The following CEP350 variants were observed in gnomAD, a reference collection of about 807,000 sequenced individuals.
CEP350 encodes centrosomal protein 350.
Under a neutral mutation model 331.8 loss-of-function variants are expected in CEP350, and 126 were observed. That is an observed-to-expected ratio of 0.38 (90% confidence interval 0.33 to 0.44). The LOEUF is 0.44. CEP350 is among the 20% of genes least tolerant of loss of function. The pLI, the probability that CEP350 is intolerant of heterozygous loss-of-function variation, is 1.00. For missense variants in CEP350, 3,406 were observed against 3,634.6 expected (o/e 0.94, Z 1.62); for synonymous variants, 1,200 against 1,259.5 (o/e 0.95, Z 1.00).
intron 12 of CEP350, 134 bp downstream of exon 12, chr1:180,021,143 T>G (rs572457093): frequency 4.7e-6 from 3 of 637,664 alleles, no homozygotes; most frequent in South Asian, 1.2e-4. Flanking sequence ...TCCGTATTAG[T>G]CATCTTCTAA....
intron 6 of CEP350, among the ~76,000 whole-genome samples, chr1:179,997,681 T>C (rs1470897130): frequency 6.6e-6 from 1 of 152,230 alleles, no homozygotes; most frequent in Non-Finnish European, 1.5e-5. Flanking sequence ...GGGATTCTTG[T>C]GGTTTGAGAA....
intron 7 of CEP350, among the ~76,000 whole-genome samples, chr1:180,005,469 C>T (rs527797002): frequency 6.6e-6 from 1 of 151,826 alleles, no homozygotes; most frequent in Non-Finnish European, 1.5e-5. Flanking sequence ...TCACTTTCAC[C>T]ACTTCCATTA....
intron 16 of CEP350, 62 bp from the exon 17 acceptor site, chr1:180,036,864 T>C (rs1404754313): frequency 7.0e-7 from 1 of 1,421,472 alleles, no homozygotes; most frequent in African/African-American, 1.5e-5. Context: ...AATGACAGAT[T>C]TTAGAAATCT....
intron 31 of CEP350, chr1:180,085,679 A>G (rs1659821608): frequency 6.6e-6 from 1 of 152,226 alleles, no homozygotes; most frequent in Admixed American, 6.5e-5. Context: ...AGTAATAGGA[A>G]TTTTCAAAAT....
At chr1:180,086,850 A>G (rs7540856) in intron 31 of CEP350, among the ~76,000 whole-genome samples, 3 of 152,124 alleles carry the variant, frequency 2.0e-5, no homozygotes, top group Non-Finnish European at 2.9e-5. Flanking sequence ...CCATCCATCC[A>G]TTAGTTCATT....
chr1:180,092,768 T>G lies in CEP350; in HGVS notation c.6663T>G (p.Asp2221Glu), dbSNP rs1660274387. Residue 2221 changes from aspartate (D) to glutamate (E), a missense_variant, in exon 34 of 38, where the codon GAT becomes GAG. Around this residue, in one of 5 missense-constraint regions of CEP350, gnomAD observed 1,415 missense variants for 1,512.3 expected, o/e 0.94. Transcript: ENST00000367607. The part of the protein sequence containing the change: ...SSRKIREESG[D>E]SLENVPALHL... ...GGAAAATCAGAGAAGAATCTGGAGA[T>G]TCTCTAGAAAATGTACCTGCATTAC... The G allele has an allele frequency of 3.8e-6, 6 of 1,589,462 alleles. No homozygotes were observed. Among genetic ancestry groups the G allele is most frequent in the Middle Eastern group, 1.7e-4 (1 of 6,030 alleles).
Position 179,987,250 on chromosome 1 carries a change from C to A in CEP350, c.84C>A (p.Thr28=). The A allele has an allele frequency of 6.5e-7, 1 of 1,549,262 alleles. No individual in the cohort carries two copies. Among genetic ancestry groups the A allele is most frequent in the Non-Finnish European group, 8.9e-7 (1 of 1,129,024 alleles). The change falls in exon 3 of 38, where the codon ACC becomes ACA. Residue 28 remains threonine (T), a synonymous_variant. Coordinates refer to ENST00000367607, the MANE Select transcript of CEP350 (RefSeq NM_014810.5). ...CATTTTTTTTCCCAGCAGATATAAC[C>A]ACATCGTGGGATGCACTTTCTCAAA... ...QSKDTVQADI[T]TSWDALSQTK... is the part of the protein sequence containing the mutation.
At position 179,992,062 on chromosome 1, in the gene CEP350, A is replaced by G; in HGVS notation, c.236A>G (p.Asp79Gly). 6.6e-7 allele frequency: 1 copy of G among 1,524,436 alleles called. No homozygotes were observed. The highest frequency in any genetic ancestry group is 2.5e-5 in the East Asian group (1 of 40,040). 94.4% of individuals were successfully genotyped at this position (1,524,436 alleles called of 1,614,324 possible). ...TCTCACAGATTTCCTTTTCCTTCAGATGGTAGATACCTGGATGATTCTTGG... is the reference window on the plus strand; with the variant it reads ...TCTCACAGATTTCCTTTTCCTTCAGGTGGTAGATACCTGGATGATTCTTGG... The part of the protein sequence containing the change: ...TSATRKISRK[D>G]GRYLDDSWVN... The change falls in exon 5 of 38, where the codon GAT (aspartate) becomes GGT (glycine). Residue 79 changes from aspartate to glycine, a missense_variant and splice_region_variant. This residue lies in a region of CEP350 where 1,857 missense variants were observed against 1,909.2 expected (regional missense o/e 0.97). Transcript: ENST00000367607.
At chr1:180,088,810 A>T (rs907929167) in intron 32 of CEP350, among the ~76,000 whole-genome samples, 1 of 152,220 alleles carries the variant, frequency 6.6e-6, no homozygotes, top group African/African-American at 2.4e-5. Context: ...AAAAGACTTA[A>T]CAGGGCTTAG....
chr1:180,034,620 A>G (rs1435404349), intron 16 of CEP350, among the ~76,000 whole-genome samples: 1 of 151,848 alleles, frequency 6.6e-6, no homozygotes, highest in East Asian at 1.9e-4. Context: ...CATTATTACT[A>G]TATCTGTTAC....
At chr1:180,004,869 GGCTGGCTT>G (rs1369942974) in intron 7 of CEP350, among the ~76,000 whole-genome samples, 26 of 90,582 alleles carry the variant, frequency 2.9e-4, no homozygotes, top group African/African-American at 1.1e-3. Context: ...CAGGCAGGCT[GGCTGGCTT>G]GCTTGCTTGC....
rs553308119 is a variant in CEP350 at position 179,955,168 on chromosome 1, G to A, written c.-14+26G>A. On this transcript the variant is annotated intron_variant, in intron 1 of 37. Transcript: ENST00000367607. ...GTGAGCTCCTGTAGGACCTGGCTGG[G>A]ACCGCGGAGTCTCGCTCAGCCTCAA... is the stretch of plus-strand genomic sequence containing the variant. 3.4e-4 allele frequency: 469 copies of A among 1,396,854 alleles called. 1 individual carries two copies. Among genetic ancestry groups the A allele is most frequent in the Middle Eastern group, 1.3e-3 (7 of 5,326 alleles). 86.5% of individuals were successfully genotyped at this position (1,396,854 alleles called of 1,614,324 possible). A position where few individuals can be genotyped will look rare whatever the true frequency, so the allele number is the denominator to read the frequency against.
rs2149141173 is a variant in CEP350, at chr1:180,095,525, G to A, written c.8514G>A (p.Glu2838=). The change falls in exon 35 of 38, where the codon GAG becomes GAA. Residue 2838 remains glutamate, a splice_region_variant and synonymous_variant. Coordinates refer to ENST00000367607, the MANE Select transcript of CEP350 (RefSeq NM_014810.5). ...TTTGAATGGTTCCATTTCTATAGGA[G>A]AGCCCAGTATTTGGTGCCAGTGGGC... is the stretch of plus-strand genomic sequence containing the variant. ...ISSPDMCPRP[E]SPVFGASGQE... is the part of the protein sequence containing the mutation. 6.2e-7 allele frequency: 1 copy of A among 1,613,068 alleles called. No homozygotes were observed. Among genetic ancestry groups the A allele is most frequent in the African/African-American group, 1.3e-5 (1 of 74,960 alleles).
rs1661448088 is a variant in CEP350, at chr1:180,111,080, G to A, written c.9273G>A (p.Gly3091=). The A allele has an allele frequency of 6.2e-7, 1 of 1,613,996 alleles. No individual in the cohort carries two copies. The highest frequency in any genetic ancestry group is 1.3e-5 in the African/African-American group (1 of 75,030). The change falls in exon 38 of 38, where the codon GGG becomes GGA. Residue 3091 remains glycine (G), a synonymous_variant. Coordinates refer to ENST00000367607, the MANE Select transcript of CEP350 (RefSeq NM_014810.5). ...ELCVKMQLAD[G]IFETLIKDTI... is the part of the protein sequence containing the mutation. Reference sequence around the variant, plus strand: ...GTGTGAAAATGCAGCTAGCCGACGGGATCTTTGAGACCCTGATCAAAGATA... The same window carrying A: ...GTGTGAAAATGCAGCTAGCCGACGGAATCTTTGAGACCCTGATCAAAGATA...
chr1:179,959,378 A>T, intron 1 of CEP350, among the ~76,000 whole-genome samples: 1 of 151,896 alleles, frequency 6.6e-6, no homozygotes, highest in East Asian at 1.9e-4. Flanking sequence ...TGCTTGAACC[A>T]GGGAGGTGGA....
At chr1:180,090,470 C>CGGGAGGCGGAGCTTGCA (rs752781014) in intron 32 of CEP350, among the ~76,000 whole-genome samples, 109 of 141,402 alleles carry the variant, frequency 7.7e-4, no homozygotes, top group Non-Finnish European at 1.3e-3. Flanking sequence ...GGCGTGAACC[C>CGGGAGGCGGAGCTTGCA]GGGAGGCGGA....
In CEP350 at chr1:180,011,965, A is replaced by T; in HGVS notation, c.1283A>T (p.Asp428Val). ...SHLISTSSWR[D>V]GQKLVKKILG... ...CTTATAAGTACATCTTCTTGGCGAG[A>T]TGGACAAAAATTAGTAAAGAAGATT... is the stretch of plus-strand genomic sequence containing the variant. Residue 428 changes from aspartate to valine, a missense_variant, in exon 9 of 38, where the codon GAT becomes GTT. Asp to Val is a radical substitution (Grantham distance 152). Around this residue, in one of 5 missense-constraint regions of CEP350, gnomAD observed 1,857 missense variants for 1,909.2 expected, o/e 0.97. Transcript: ENST00000367607. 1 of 1,602,246 alleles carries T rather than the reference A, an allele frequency of 6.2e-7. No homozygotes were observed. Among genetic ancestry groups the T allele is most frequent in the African/African-American group, 1.3e-5 (1 of 74,770 alleles).
At chr1:180,037,411 G>GT (rs746011276) in intron 17 of CEP350, among the ~76,000 whole-genome samples, 1,667 of 139,766 alleles carry the variant, frequency 0.012, 30 homozygotes, top group East Asian at 0.049. Context: ...AATACTGAGG[G>GT]TTTTTTTTTT....
intron 25 of CEP350, among the ~76,000 whole-genome samples, chr1:180,054,942 GTGGT>G (rs1254011026): frequency 3.9e-5 from 6 of 152,276 alleles, no homozygotes; most frequent in African/African-American, 9.6e-5. Context: ...AGGCAGCATG[GTGGT>G]GTAGTGGTAA....
Sources: gnomAD v4.1 joint callset for allele counts (sites outside exome capture counted in the v4.1 genomes callset) on GRCh38, gnomAD v4.1.1 for gene constraint, gnomAD v4.1.1 regional missense constraint, MANE v1.5 for transcripts, NCBI Gene and HGNC (gene_info 2026-07-23, HGNC 2026-07-21) for gene names.